Variants in RAPGEF5 observed in about 807,000 individuals in gnomAD.
The protein encoded by RAPGEF5 is M-Ras-regulated GEF.
In RAPGEF5, 65 loss-of-function variants were observed where a neutral mutation model predicts 125.2. The observed-to-expected ratio is 0.52, with a 90% CI of 0.43 to 0.64. RAPGEF5 has a LOEUF of 0.64. Among genes scored for constraint, RAPGEF5 ranks in the 30% least tolerant of loss-of-function variants. The pLI, the probability that RAPGEF5 is intolerant of heterozygous loss-of-function variation, is 0.00. For missense variants in RAPGEF5, 958 were observed against 1,048.1 expected, an observed-to-expected ratio of 0.91 and a Z score of 1.19; for synonymous variants, 391 against 385.9, an observed-to-expected ratio of 1.01 and a Z score of -0.16.
chr7:22,207,332 T>G (rs1785419377), intron 9 of RAPGEF5, among the ~76,000 whole-genome samples: 1 of 152,218 alleles, frequency 6.6e-6, no homozygotes, highest in South Asian at 2.1e-4. Context: ...GAATATAAAC[T>G]TAGTTAAAGA....
chr7:22,161,907 G>T (rs1368790515), intron 13 of RAPGEF5, among the ~76,000 whole-genome samples: 4 of 152,080 alleles, frequency 2.6e-5, no homozygotes, highest in Admixed American at 6.5e-5. Flanking sequence ...GTGTTGAAAA[G>T]ATATTGAAGC....
intron 1 of RAPGEF5, among the ~76,000 whole-genome samples, chr7:22,346,022 G>A (rs989598733): frequency 6.6e-6 from 1 of 152,162 alleles, no homozygotes; most frequent in Non-Finnish European, 1.5e-5. Context: ...CAACTGAAGA[G>A]ATGTGGTTAA....
At chr7:22,224,468 T>C (rs142290243) in intron 8 of RAPGEF5, among the ~76,000 whole-genome samples, 14 of 152,330 alleles carry the variant, frequency 9.2e-5, no homozygotes, top group African/African-American at 3.4e-4. Context: ...TCTTTCCATG[T>C]CATCTGCACA....
At chr7:22,328,774 T>C (rs1783859687) in intron 1 of RAPGEF5, among the ~76,000 whole-genome samples, 1 of 152,252 alleles carries the variant, frequency 6.6e-6, no homozygotes, top group Admixed American at 6.5e-5. Context: ...TCAGATGTGA[T>C]GTTGCCTCTT....
At chr7:22,253,028 C>A (rs1449325850) in intron 7 of RAPGEF5, among the ~76,000 whole-genome samples, 7 of 151,818 alleles carry the variant, frequency 4.6e-5, no homozygotes, top group African/African-American at 1.7e-4. Flanking sequence ...CTGGTGGAGA[C>A]AGGACGTGAA....
intron 8 of RAPGEF5, among the ~76,000 whole-genome samples, chr7:22,222,049 C>A (rs1056626037): frequency 6.6e-6 from 1 of 152,032 alleles, no homozygotes; most frequent in Non-Finnish European, 1.5e-5. Flanking sequence ...GAGTTTGAGA[C>A]CAGCCTGGCC....
At position 22,156,835 on chromosome 7, in the gene RAPGEF5, T is replaced by C. The variant is rs755499828; in HGVS notation, c.1611A>G (p.Arg537=). Residue 537 remains arginine (R), a synonymous_variant, in exon 16 of 26, where the codon AGA becomes AGG. Transcript: ENST00000665637. Reference sequence around the variant, plus strand: ...TTTCCTCCGTTTCAGTCACAGTTCCTCTATGCTGGAGCCAGTTCTCCTTAA... The same window carrying C: ...TTTCCTCCGTTTCAGTCACAGTTCCCCTATGCTGGAGCCAGTTCTCCTTAA... ...FSLKENWLQH[R]GTVTETEEIF... 9.3e-6 allele frequency: 15 copies of C among 1,613,928 alleles called. No individual in the cohort carries two copies. The highest frequency in any genetic ancestry group is 1.7e-5 in the Admixed American group (1 of 60,012).
At position 22,308,381 on chromosome 7, in the gene RAPGEF5, T is replaced by G; in HGVS notation, c.638A>C (p.Gln213Pro). 1 of 1,589,378 alleles carries G rather than the reference T, an allele frequency of 6.3e-7. No homozygotes were observed. ...TCTGGCAGGAATGAGAGGCACAAGT[T>G]GCAGTAAAAGCTTGACACCATTTTG... ...EWQNGVKLLLQLVPLIPARGG... is the reference protein window; with the variant it reads ...EWQNGVKLLLPLVPLIPARGG... Residue 213 changes from glutamine (Q) to proline (P), a missense_variant, in exon 5 of 26, where the codon CAA becomes CCA. Gln to Pro is a moderately conservative substitution (Grantham distance 76, BLOSUM62 -1). Coordinates refer to ENST00000665637, the MANE Select transcript of RAPGEF5 (RefSeq NM_012294.5).
chr7:22,330,611 G>A lies in RAPGEF5; in HGVS notation c.232-12574C>T, dbSNP rs184993232. ...AAAGTGCTTAGGATCACTTTCTCTTGCCATTAACCTCTGAATAATCAAATC... is the reference window on the plus strand; with the variant it reads ...AAAGTGCTTAGGATCACTTTCTCTTACCATTAACCTCTGAATAATCAAATC... On this transcript the variant is annotated intron_variant, in intron 1 of 25. Coordinates refer to ENST00000665637, the MANE Select transcript of RAPGEF5 (RefSeq NM_012294.5). Among the ~76,000 whole-genome samples, 73 of 152,264 alleles carry A rather than the reference G, an allele frequency of 4.8e-4. 1 individual carries two copies. The East Asian group carries it at 0.012, about 25-fold the overall frequency.
intron 1 of RAPGEF5, among the ~76,000 whole-genome samples, chr7:22,355,470 T>C (rs1295119791): frequency 1.3e-5 from 2 of 152,220 alleles, no homozygotes; most frequent in Non-Finnish European, 2.9e-5. Flanking sequence ...GCAAAGTCTA[T>C]AACTCCAGTT....
intron 24 of RAPGEF5, among the ~76,000 whole-genome samples, chr7:22,129,963 G>T (rs916424451): frequency 2.6e-5 from 4 of 152,132 alleles, no homozygotes; most frequent in Non-Finnish European, 4.4e-5. Flanking sequence ...CAAAGGTCAG[G>T]TGCCAAGCCT....
chr7:22,165,372 G>A (rs1227079373), intron 12 of RAPGEF5, among the ~76,000 whole-genome samples: 1 of 152,134 alleles, frequency 6.6e-6, no homozygotes, highest in African/African-American at 2.4e-5. Context: ...TACTTAATGG[G>A]TGGTAATTGT....
chr7:22,178,629 G>A (rs188560463), intron 11 of RAPGEF5, among the ~76,000 whole-genome samples: 35 of 152,334 alleles, frequency 2.3e-4, no homozygotes, highest in Admixed American at 1.7e-3. Context: ...ACAGCATGAG[G>A]TCTAAAAAGG....
chr7:22,267,052 A>G, intron 6 of RAPGEF5, 40 bp from the exon 7 acceptor site: 2 of 1,548,146 alleles, frequency 1.3e-6, no homozygotes, highest in African/African-American at 2.7e-5. Context: ...TTAGAAGAAG[A>G]AAAATGTAGC....
chr7:22,155,724 T>C (rs1783782831), intron 16 of RAPGEF5, among the ~76,000 whole-genome samples: 2 of 152,200 alleles, frequency 1.3e-5, no homozygotes, highest in Non-Finnish European at 2.9e-5. Flanking sequence ...ATTTTGCCAA[T>C]AGACTAGTGA....
intron 18 of RAPGEF5, among the ~76,000 whole-genome samples, chr7:22,149,861 T>A (rs189360514): frequency 6.6e-6 from 1 of 152,260 alleles, no homozygotes; most frequent in Non-Finnish European, 1.5e-5. Flanking sequence ...TCAAATCCCT[T>A]ATTTCAGGGG....
intron 17 of RAPGEF5, among the ~76,000 whole-genome samples, chr7:22,152,788 T>C (rs1224749759): frequency 6.6e-6 from 1 of 152,230 alleles, no homozygotes; most frequent in African/African-American, 2.4e-5. Context: ...TTGAGATTGT[T>C]TTCTTTGTGA....
intron 16 of RAPGEF5, 135 bp downstream of exon 16, chr7:22,156,675 C>T (rs1783818239): frequency 2.9e-6 from 4 of 1,363,906 alleles, no homozygotes; most frequent in East Asian, 2.5e-5. Context: ...AAAAACCATG[C>T]TGTTTGAGGC....
chr7:22,151,469 T>G (rs528571582), intron 17 of RAPGEF5, among the ~76,000 whole-genome samples: 1 of 148,010 alleles, frequency 6.8e-6, no homozygotes, highest in African/African-American at 2.5e-5. Context: ...TTTTTTTTTT[T>G]TTTTTTTTTT....
Sources: allele counts gnomAD v4.1 joint callset (sites outside exome capture counted in the v4.1 genomes callset), GRCh38; gene constraint gnomAD v4.1.1; transcripts MANE v1.5; gene names NCBI Gene and HGNC (gene_info 2026-07-23, HGNC 2026-07-21).